Variants in PDS5A observed in about 807,000 individuals in gnomAD.
PDS5A encodes the protein sister chromatid cohesion protein PDS5 homolog A.
Under a neutral mutation model 167.1 loss-of-function variants are expected in PDS5A, and 42 were observed. The observed-to-expected ratio is 0.25, with a 90% CI of 0.20 to 0.33. The LOEUF is 0.33. Among genes scored for constraint, PDS5A ranks in the 10% least tolerant of loss-of-function variants. The pLI is 1.00. For synonymous variants in PDS5A, 553 were observed against 554.6 expected, an observed-to-expected ratio of 1.00 and a Z score of 0.04; for missense variants, 1,033 against 1,605.9, an observed-to-expected ratio of 0.64 and a Z score of 6.10.
Position 39,863,800 on chromosome 4 carries a change from C to T in PDS5A, c.2643-341G>A, listed in dbSNP as rs568847463. ...AACTCTTTACATCAGGAGCTGTATC[C>T]CTCATTTTAAGAGAAATACATATTG... On this transcript the variant is annotated intron_variant, in intron 23 of 32. Transcript: ENST00000303538. Among the ~76,000 whole-genome samples, 5 of 152,176 alleles carry T rather than the reference C, an allele frequency of 3.3e-5. No homozygotes were observed. The East Asian group carries it at 9.6e-4, about 29-fold the overall frequency.
intron 1 of PDS5A, 51 bp from the exon 2 acceptor site, chr4:39,976,668 T>C: frequency 1.1e-6 from 1 of 920,516 alleles, no homozygotes; most frequent in Non-Finnish European, 1.7e-6. Flanking sequence ...CTTTGTAACC[T>C]CTTTTTTCAT....
intron 2 of PDS5A, among the ~76,000 whole-genome samples, chr4:39,945,257 G>A (rs1441530189): frequency 1.3e-5 from 2 of 151,808 alleles, no homozygotes; most frequent in East Asian, 1.9e-4. Flanking sequence ...TCAGGAGATC[G>A]AGACCATCCT....
At chr4:39,898,750 G>A in intron 15 of PDS5A, 27 bp downstream of exon 15, 1 of 1,432,412 alleles carries the variant, frequency 7.0e-7, no homozygotes, top group Non-Finnish European at 9.7e-7. Flanking sequence ...TTTACTACAT[G>A]TTTAGTGAGT....
At chr4:39,859,131 C>G (rs1560432730) in intron 26 of PDS5A, among the ~76,000 whole-genome samples, 2 of 152,110 alleles carry the variant, frequency 1.3e-5, no homozygotes, top group Non-Finnish European at 2.9e-5. Flanking sequence ...AGTCACTGGA[C>G]ATTTCTCCAC....
chr4:39,896,910 T>C (rs909349194), intron 16 of PDS5A, among the ~76,000 whole-genome samples: 1 of 152,022 alleles, frequency 6.6e-6, no homozygotes, highest in African/African-American at 2.4e-5. Context: ...AATCTTTTTT[T>C]TTTTTTAATG....
intron 26 of PDS5A, among the ~76,000 whole-genome samples, chr4:39,851,292 ATT>A (rs575163696): frequency 2.8e-5 from 4 of 141,548 alleles, no homozygotes; most frequent in Non-Finnish European, 3.1e-5. Flanking sequence ...TATAGAACCT[ATT>A]TTTTTTTTTT....
At chr4:39,906,282 C>G (rs561907351) in intron 11 of PDS5A, among the ~76,000 whole-genome samples, 1 of 151,894 alleles carries the variant, frequency 6.6e-6, no homozygotes, top group African/African-American at 2.4e-5. Context: ...GTGGGAGGAT[C>G]GCTTGAGCCT....
At chr4:39,894,773 C>A (rs1444410517) in intron 16 of PDS5A, among the ~76,000 whole-genome samples, 1 of 152,110 alleles carries the variant, frequency 6.6e-6, no homozygotes, top group Non-Finnish European at 1.5e-5. Flanking sequence ...AGCCTGGTCC[C>A]AAGCATAGTA....
chr4:39,938,656 G>T (rs1726888784), intron 2 of PDS5A, among the ~76,000 whole-genome samples: 1 of 152,078 alleles, frequency 6.6e-6, no homozygotes, highest in Non-Finnish European at 1.5e-5. Flanking sequence ...ATAGAAGACT[G>T]ATTAAACTGT....
chr4:39,909,361 G>C (rs1471338412), intron 10 of PDS5A, among the ~76,000 whole-genome samples: 2 of 152,144 alleles, frequency 1.3e-5, no homozygotes, highest in Non-Finnish European at 2.9e-5. Flanking sequence ...CTGGCCTCAA[G>C]TGATGCACTG....
In PDS5A at chr4:39,929,519, C is replaced by CTATATATATATA. The variant is rs58069502; in HGVS notation, c.139-1367_139-1356dup. Among the ~76,000 whole-genome samples the CTATATATATATA allele has an allele frequency of 5.6e-3, 446 of 79,132 alleles. 8 individuals are homozygous for CTATATATATATA. The highest frequency in any genetic ancestry group is 0.016 in the African/African-American group (180 of 11,340). The allele number at this position is 79,132 out of a possible 152,430, so 51.9% of individuals were successfully genotyped here. A position where few individuals can be genotyped will look rare whatever the true frequency, so the allele number is the denominator to read the frequency against. ...GCCTTGTGAGTTAATACTTAATAAA[C>CTATATATATATA]TATATATATATATATATATATATAT... On this transcript the variant is annotated intron_variant, in intron 2 of 32. Coordinates refer to ENST00000303538, the MANE Select transcript of PDS5A (RefSeq NM_001100399.2).
intron 19 of PDS5A, 37 bp downstream of exon 19, chr4:39,876,956 A>C: frequency 6.7e-7 from 1 of 1,498,060 alleles, no homozygotes; most frequent in Non-Finnish European, 9.1e-7. Context: ...ATACTTAGAA[A>C]CTTTTGTATT....
At chr4:39,886,105 C>T (rs1209147690) in intron 17 of PDS5A, among the ~76,000 whole-genome samples, 1 of 152,202 alleles carries the variant, frequency 6.6e-6, no homozygotes, top group Non-Finnish European at 1.5e-5. Flanking sequence ...GTTCTTGACA[C>T]CTCTGTCAGA....
At chr4:39,830,170 A>T (rs1560408122) in intron 32 of PDS5A, among the ~76,000 whole-genome samples, 1 of 151,916 alleles carries the variant, frequency 6.6e-6, no homozygotes, top group Non-Finnish European at 1.5e-5. Flanking sequence ...GGCAGGTCAG[A>T]TATCTGCTCA....
intron 26 of PDS5A, among the ~76,000 whole-genome samples, chr4:39,853,796 G>A (rs976097676): frequency 6.6e-6 from 1 of 152,062 alleles, no homozygotes; most frequent in Non-Finnish European, 1.5e-5. Context: ...TTGTCTAAAC[G>A]ATATGTATTC....
chr4:39,908,199 G>A (rs886994162), intron 11 of PDS5A, among the ~76,000 whole-genome samples, 196 bp downstream of exon 11: 1 of 151,978 alleles, frequency 6.6e-6, no homozygotes, highest in Admixed American at 6.6e-5. Context: ...GATCTCAAAA[G>A]GTATAGAATC....
chr4:39,951,030 T>C (rs1728301806), intron 2 of PDS5A, among the ~76,000 whole-genome samples: 1 of 152,060 alleles, frequency 6.6e-6, no homozygotes, highest in African/African-American at 2.4e-5. Flanking sequence ...TCCTCCCAAG[T>C]AGCTGGGACT....
At chr4:39,842,909 T>TTATATATATATATATATATATATATGTA (rs1717172984) in intron 30 of PDS5A, among the ~76,000 whole-genome samples, 6 of 92,310 alleles carry the variant, frequency 6.5e-5, no homozygotes, top group African/African-American at 3.3e-4. Flanking sequence ...TATCCTATTT[T>TTATATATATATATATATATATATATGTA]TATATATATA....
Position 39,971,889 on chromosome 4 carries a change from A to T in PDS5A, c.138+4551T>A, listed in dbSNP as rs561264901. Among the ~76,000 whole-genome samples, 16 of 152,358 alleles carry T rather than the reference A, an allele frequency of 1.1e-4. 1 individual carries two copies. In the South Asian group the frequency reaches 3.3e-3, roughly 32 times the overall value. Reference sequence around the variant, plus strand: ...AAAAACAAAATTTCAAAAATACTTAAGTATTGTTAAAAATCTACATTTCCA... The same window carrying T: ...AAAAACAAAATTTCAAAAATACTTATGTATTGTTAAAAATCTACATTTCCA... On this transcript the variant is annotated intron_variant, in intron 2 of 32. Coordinates refer to ENST00000303538, the MANE Select transcript of PDS5A (RefSeq NM_001100399.2).
Sources: gnomAD v4.1 joint callset for allele counts (sites outside exome capture counted in the v4.1 genomes callset) on GRCh38, gnomAD v4.1.1 for gene constraint, MANE v1.5 for transcripts, NCBI Gene and HGNC (gene_info 2026-07-23, HGNC 2026-07-21) for gene names.